WWC1: variants seen among roughly 807,000 people sequenced by gnomAD.
WWC1 encodes protein KIBRA.
Under a neutral mutation model 138.4 loss-of-function variants are expected in WWC1, and 55 were observed. That is an observed-to-expected ratio of 0.40 (90% CI 0.32 to 0.50). WWC1 has a LOEUF of 0.50. Among genes scored for constraint, WWC1 ranks in the 20% least tolerant of loss-of-function variants. The pLI is 0.72. For synonymous variants in WWC1, 524 were observed against 564.9 expected (o/e 0.93, Z 1.03); for missense variants, 1,226 against 1,420.4 (o/e 0.86, Z 2.20).
chr5:168,470,652 T>C lies in WWC1; in HGVS notation c.*1635T>C, dbSNP rs1038608384. Reference sequence around the variant, plus strand: ...GGGTTCGAGACCAGCCTGATCAACATGGAGAAACCTGGTCTCTACTAAAAA... The same window carrying C: ...GGGTTCGAGACCAGCCTGATCAACACGGAGAAACCTGGTCTCTACTAAAAA... On this transcript the variant is annotated 3_prime_UTR_variant, in exon 23 of 23. Coordinates refer to ENST00000265293, the MANE Select transcript of WWC1 (RefSeq NM_015238.3). 4 of 151,972 alleles carry C rather than the reference T, an allele frequency of 2.6e-5. No individual in the cohort carries two copies. The highest frequency in any genetic ancestry group is 7.2e-5 in the African/African-American group (3 of 41,444). The allele number at this position is 151,972 out of a possible 1,614,324, so 9.4% of individuals were successfully genotyped here.
chr5:168,362,044 A>T (rs954961345), intron 1 of WWC1, among the ~76,000 whole-genome samples: 1 of 152,156 alleles, frequency 6.6e-6, no homozygotes, highest in Non-Finnish European at 1.5e-5. Flanking sequence ...GACCGTGCCA[A>T]TGCTCTCCAG....
At chr5:168,385,785 T>G (rs939974302) in intron 3 of WWC1, among the ~76,000 whole-genome samples, 1 of 152,228 alleles carries the variant, frequency 6.6e-6, no homozygotes, top group African/African-American at 2.4e-5. Context: ...ACAGTGTAAA[T>G]GTACTTAATG....
intron 8 of WWC1, chr5:168,410,237 C>T: frequency 6.6e-6 from 3 of 454,336 alleles, no homozygotes; most frequent in Non-Finnish European, 1.2e-5. Context: ...TCTGTTTAAC[C>T]TCAAAGCCGA....
At chr5:168,390,467 A>G (rs35513109) in intron 3 of WWC1, among the ~76,000 whole-genome samples, 23,329 of 152,140 alleles carry the variant, frequency 0.15, 2,120 homozygotes, top group South Asian at 0.38. Context: ...ATTGTTAAAT[A>G]TCTTCTATCT....
chr5:168,341,985 C>T (rs1392904303), intron 1 of WWC1, among the ~76,000 whole-genome samples: 1 of 152,152 alleles, frequency 6.6e-6, no homozygotes, highest in Non-Finnish European at 1.5e-5. Flanking sequence ...CTTCGGTACC[C>T]AGAGTGAAGC....
Position 168,412,162 on chromosome 5 carries a change from C to T in WWC1, c.941+2167C>T. On this transcript the variant is annotated intron_variant, in intron 8 of 22. Coordinates refer to ENST00000265293, the MANE Select transcript of WWC1 (RefSeq NM_015238.3). ...CTTGAGACACTAAAGGACTGCAGTG[C>T]TCTCTCTGGAGTTGAGCCATTAGAC... 3 of 985,436 alleles carry T rather than the reference C, an allele frequency of 3.0e-6. No homozygotes were observed. In the South Asian group the frequency reaches 1.4e-4, roughly 46 times the overall value. 61.0% of individuals were successfully genotyped at this position (985,436 alleles called of 1,614,324 possible).
intron 2 of WWC1, among the ~76,000 whole-genome samples, chr5:168,376,986 A>G (rs974930700): frequency 6.6e-6 from 1 of 152,222 alleles, no homozygotes; most frequent in Non-Finnish European, 1.5e-5. Flanking sequence ...AAATCTAAGC[A>G]AAAAGAACAA....
chr5:168,440,523 GT>G (rs1055023789), intron 15 of WWC1, among the ~76,000 whole-genome samples: 3 of 151,450 alleles, frequency 2.0e-5, no homozygotes, highest in Admixed American at 1.3e-4. Flanking sequence ...GTTTTGTTTT[GT>G]TTTGTTTTTG....
chr5:168,304,275 T>C (rs1222352974), intron 1 of WWC1, among the ~76,000 whole-genome samples: 2 of 152,336 alleles, frequency 1.3e-5, no homozygotes, highest in East Asian at 3.9e-4. Context: ...CTGAGCAAAA[T>C]GTCCCCTGGA....
At chr5:168,450,353 G>A (rs1260015726) in intron 17 of WWC1, among the ~76,000 whole-genome samples, 1 of 151,992 alleles carries the variant, frequency 6.6e-6, no homozygotes, top group Non-Finnish European at 1.5e-5. Flanking sequence ...AAAAAAACTT[G>A]AACACTTACA....
chr5:168,406,974 G>A (rs1312118694), intron 6 of WWC1, among the ~76,000 whole-genome samples: 1 of 149,830 alleles, frequency 6.7e-6, no homozygotes, highest in Non-Finnish European at 1.5e-5. Flanking sequence ...TAAAGAGAGA[G>A]AGAGAGAGTC....
At chr5:168,420,002 C>A (rs894275670) in intron 9 of WWC1, among the ~76,000 whole-genome samples, 1 of 152,238 alleles carries the variant, frequency 6.6e-6, no homozygotes, top group Non-Finnish European at 1.5e-5. Flanking sequence ...GTCACATCCA[C>A]TAACTTCTCC....
intron 1 of WWC1, among the ~76,000 whole-genome samples, chr5:168,343,148 C>T (rs1194014205): frequency 1.5e-5 from 2 of 135,922 alleles, no homozygotes; most frequent in Non-Finnish European, 3.2e-5. Flanking sequence ...TTGCACAGAC[C>T]ATATAATCAT....
At chr5:168,468,234 C>T (rs867105381) in intron 22 of WWC1, among the ~76,000 whole-genome samples, 2 of 152,244 alleles carry the variant, frequency 1.3e-5, no homozygotes, top group East Asian at 1.9e-4. Context: ...AGCCTTTCCT[C>T]GTAGTGTTTT....
intron 1 of WWC1, among the ~76,000 whole-genome samples, chr5:168,311,736 G>GT (rs949881346): frequency 1.6e-4 from 24 of 152,304 alleles, no homozygotes; most frequent in African/African-American, 5.5e-4. Flanking sequence ...AATTAGCTGG[G>GT]TGTGGTGGCA....
chr5:168,429,662 G>C (rs921490976), intron 13 of WWC1, among the ~76,000 whole-genome samples: 4 of 152,126 alleles, frequency 2.6e-5, no homozygotes, highest in African/African-American at 9.7e-5. Context: ...GGCTGGGTGT[G>C]GTGGCTCACA....
chr5:168,395,520 A>G (rs1187523179), intron 3 of WWC1, among the ~76,000 whole-genome samples: 1 of 152,204 alleles, frequency 6.6e-6, no homozygotes, highest in African/African-American at 2.4e-5. Context: ...TTATAACATT[A>G]TAATATTATA....
chr5:168,330,970 G>A (rs1342751512), intron 1 of WWC1, among the ~76,000 whole-genome samples: 2 of 152,158 alleles, frequency 1.3e-5, no homozygotes, highest in Non-Finnish European at 2.9e-5. Flanking sequence ...GACTAACATA[G>A]CCATTCTCCA....
chr5:168,362,767 G>A (rs1409623176), intron 1 of WWC1, among the ~76,000 whole-genome samples: 1 of 152,176 alleles, frequency 6.6e-6, no homozygotes, highest in Non-Finnish European at 1.5e-5. Flanking sequence ...GTGAAGGAAG[G>A]GGATGGACCC....
Sources: gnomAD v4.1 joint callset for allele counts (sites outside exome capture counted in the v4.1 genomes callset) on GRCh38, gnomAD v4.1.1 for gene constraint, MANE v1.5 for transcripts, NCBI Gene and HGNC (gene_info 2026-07-23, HGNC 2026-07-21) for gene names.